Variants in SLC1A6 observed in about 807,000 individuals in gnomAD.
SLC1A6 encodes the protein solute carrier family 1 member 6.
SLC1A6 carries 15 observed loss-of-function variants against 42.1 expected under a neutral mutation model. The ratio of observed to expected loss-of-function variants is 0.36; its 90% CI spans 0.24 to 0.55. SLC1A6 has a LOEUF of 0.55. SLC1A6 is among the 20% of genes least tolerant of loss of function. The probability of loss-of-function intolerance (pLI) is 0.88; values close to 1 mark genes in which losing one functional copy is unlikely to be tolerated. For synonymous variants in SLC1A6, 317 were observed against 319.7 expected (o/e 0.99, Z 0.09); for missense variants, 542 against 772.5 (o/e 0.70, Z 3.54).
chr19:15,001,907 C>T lies in SLC1A6; in HGVS notation c.6+8578G>A, dbSNP rs181852010. Among the ~76,000 whole-genome samples the T allele has an allele frequency of 7.2e-5, 11 of 152,116 alleles. No individual in the cohort carries two copies. The East Asian group carries it at 1.7e-3, about 24-fold the overall frequency. On this transcript the variant is annotated intron_variant, in intron 1 of 8. Coordinates refer to the SLC1A6 transcript ENST00000430939. Reference sequence around the variant, plus strand: ...AACTCCTGGGCTTAAGCAATTCATCCGCCTCAGTCTCCCAAAGTGCTGGGA... The same window carrying T: ...AACTCCTGGGCTTAAGCAATTCATCTGCCTCAGTCTCCCAAAGTGCTGGGA...
rs58843508 is a variant in SLC1A6, at chr19:14,960,930, C to CTTTTT, written c.935+1067_935+1071dup. On this transcript the variant is annotated intron_variant, in intron 6 of 9. Transcript: ENST00000594383. ...AGAGTAGATTTTAAGTGGTCTCTCC[C>CTTTTT]TTTTTTTTTTTTTTTGAGACTGGGT... Among the ~76,000 whole-genome samples the CTTTTT allele has an allele frequency of 2.3e-3, 313 of 138,692 alleles. 7 individuals carry two copies. Among genetic ancestry groups the CTTTTT allele is most frequent in the African/African-American group, 8.0e-3 (296 of 36,956 alleles). 91.0% of individuals were successfully genotyped at this position (138,692 alleles called of 152,430 possible).
At chr19:14,960,563 A>C (rs1000432972) in intron 6 of SLC1A6, among the ~76,000 whole-genome samples, 15 of 152,364 alleles carry the variant, frequency 9.8e-5, no homozygotes, top group South Asian at 2.1e-4. Flanking sequence ...AAAGGTATGA[A>C]TGAATGAATA....
At position 14,968,411 on chromosome 19, in the gene SLC1A6, A is replaced by T; in HGVS notation, c.440T>A (p.Ile147Asn). ...VTTIIAVFIG[I>N]LMVTIIHPGK... ...GGGATGGATGATGGTGACCATGAGG[A>T]TGCCGATGAAGACCGCGATGATGGT... is the stretch of plus-strand genomic sequence containing the variant. Residue 147 changes from isoleucine to asparagine, a missense_variant, in exon 4 of 10, where the codon ATC becomes AAC. Ile to Asn is a moderately radical substitution (Grantham distance 149, BLOSUM62 -3). Transcript: ENST00000594383. 1 of 1,613,840 alleles carries T rather than the reference A, an allele frequency of 6.2e-7. No individual in the cohort carries two copies. The highest frequency in any genetic ancestry group is 8.5e-7 in the Non-Finnish European group (1 of 1,179,940).
intron 1 of SLC1A6, among the ~76,000 whole-genome samples, chr19:14,975,700 C>T (rs1399524062): frequency 6.7e-6 from 1 of 148,782 alleles, no homozygotes; most frequent in Non-Finnish European, 1.5e-5. Context: ...TTGCAGTGAG[C>T]CAAGATTGCA....
chr19:15,006,465 G>T lies in SLC1A6; in HGVS notation c.6+4020C>A, dbSNP rs560651429. The stretch of plus-strand genomic sequence containing the variant: ...CAAAGGTTATCTGGCCCCATTTCTT[G>T]CTAGTGGCCCTAAAGAACATAACGG... On this transcript the variant is annotated intron_variant, in intron 1 of 8. Transcript: ENST00000430939. 4.6e-5 allele frequency among the ~76,000 whole-genome samples: 7 copies of T among 152,258 alleles called. No homozygotes were observed. In the East Asian group the frequency reaches 1.4e-3, roughly 29 times the overall value.
At chr19:14,967,795 C>T (rs1382798159) in intron 4 of SLC1A6, among the ~76,000 whole-genome samples, 1 of 152,096 alleles carries the variant, frequency 6.6e-6, no homozygotes, top group Non-Finnish European at 1.5e-5. Context: ...ACTAATGGGG[C>T]CCCTGTTCCA....
At chr19:15,008,031 C>CG (rs1568304151) in intron 1 of SLC1A6, among the ~76,000 whole-genome samples, 1 of 79,302 alleles carries the variant, frequency 1.3e-5, no homozygotes, top group African/African-American at 4.0e-5. Flanking sequence ...GCCCCCCCCC[C>CG]AAAAAAAAAC....
At chr19:14,988,074 G>A (rs1568298708) in intron 1 of SLC1A6, among the ~76,000 whole-genome samples, 1 of 152,200 alleles carries the variant, frequency 6.6e-6, no homozygotes, top group Non-Finnish European at 1.5e-5. Flanking sequence ...TCAGGAGGCT[G>A]AGGCAGGAGA....
chr19:14,962,875 C>T (rs2045530939), intron 5 of SLC1A6, among the ~76,000 whole-genome samples: 1 of 152,072 alleles, frequency 6.6e-6, no homozygotes, highest in South Asian at 2.1e-4. Context: ...TGCACTCCAA[C>T]CTGGCGACAG....
chr19:14,950,470 C>T, intron 9 of SLC1A6, 80 bp from the exon 10 acceptor site: 2 of 1,134,510 alleles, frequency 1.8e-6, no homozygotes, highest in Non-Finnish European at 2.5e-6. Flanking sequence ...GAGGGGGGTC[C>T]CTGTGCCAGG....
At chr19:14,989,852 C>T (rs1162383972) in intron 1 of SLC1A6, among the ~76,000 whole-genome samples, 2 of 151,522 alleles carry the variant, frequency 1.3e-5, no homozygotes, top group Admixed American at 6.6e-5. Context: ...ATCAGCGTGG[C>T]GTGGTGGTGC....
chr19:14,994,007 C>A (rs187920690), intron 1 of SLC1A6, among the ~76,000 whole-genome samples: 1 of 152,104 alleles, frequency 6.6e-6, no homozygotes, highest in Non-Finnish European at 1.5e-5. Flanking sequence ...TTGCAGTTGA[C>A]CCCATTTCTC....
chr19:14,982,496 T>C (rs1335529995), upstream of SLC1A6, among the ~76,000 whole-genome samples: 2 of 152,250 alleles, frequency 1.3e-5, no homozygotes, highest in African/African-American at 2.4e-5. Context: ...GCCACTGCAC[T>C]CCAGCCTGGG....
chr19:15,010,521 C>A (rs548845514), exon 1 of SLC1A6: 2 of 605,028 alleles, frequency 3.3e-6, no homozygotes, highest in South Asian at 3.0e-5. Context: ...CAGCTGGAAG[C>A]GCTTAGGACA....
chr19:15,002,618 G>A (rs2045877123), intron 1 of SLC1A6, among the ~76,000 whole-genome samples: 1 of 152,206 alleles, frequency 6.6e-6, no homozygotes, highest in South Asian at 2.1e-4. Context: ...AGGATCAGGA[G>A]GTGAGGACCA....
intron 1 of SLC1A6, chr19:14,977,153 A>G (rs535797067): frequency 6.6e-6 from 1 of 152,266 alleles, no homozygotes; most frequent in South Asian, 2.1e-4. Flanking sequence ...GTAGATACCA[A>G]GGGAGATCAT....
chr19:14,990,381 C>G (rs1443007354), intron 1 of SLC1A6, among the ~76,000 whole-genome samples: 2 of 152,154 alleles, frequency 1.3e-5, no homozygotes, highest in Non-Finnish European at 2.9e-5. Context: ...CAATTGAACT[C>G]ATAACAGCAG....
intron 1 of SLC1A6, among the ~76,000 whole-genome samples, chr19:15,009,788 T>C (rs2045915797): frequency 6.6e-6 from 1 of 152,144 alleles, no homozygotes; most frequent in South Asian, 2.1e-4. Context: ...TCTTAATTCT[T>C]CTAGGGCAGG....
chr19:14,989,729 C>T (rs2045809761), intron 1 of SLC1A6, among the ~76,000 whole-genome samples: 1 of 128,496 alleles, frequency 7.8e-6, no homozygotes, highest in South Asian at 2.8e-4. Flanking sequence ...AATTTCAAAA[C>T]TTTGGGAGGC....
Sources: gnomAD v4.1 joint callset for allele counts (sites outside exome capture counted in the v4.1 genomes callset) on GRCh38, gnomAD v4.1.1 for gene constraint, MANE v1.5 for transcripts, NCBI Gene and HGNC (gene_info 2026-07-23, HGNC 2026-07-21) for gene names.